Variants in GSTCD observed in about 807,000 individuals in gnomAD.
GSTCD encodes glutathione S-transferase C-terminal domain containing, also known as glutathione S-transferase C-terminal domain-containing protein.
A neutral mutation model predicts 68.3 loss-of-function variants in GSTCD; 44 were observed. The ratio of observed to expected loss-of-function variants is 0.64; its 90% CI spans 0.51 to 0.83. The LOEUF (loss-of-function observed/expected upper bound fraction) is 0.83. Ranked by LOEUF, GSTCD falls within the 40% of genes least tolerant of loss-of-function variation. The pLI, the probability that GSTCD is intolerant of heterozygous loss-of-function variation, is 0.00. For missense variants in GSTCD, 739 were observed against 735.9 expected (o/e 1.00, Z -0.05); for synonymous variants, 273 against 255.2 (o/e 1.07, Z -0.67).
chr4:105,714,637 ATT>A (rs199647332), intron 1 of GSTCD, among the ~76,000 whole-genome samples: 6,764 of 148,710 alleles, frequency 0.045, 211 homozygotes, highest in Middle Eastern at 0.13. Context: ...AAGGAGAGTA[ATT>A]TTTTTTTTTA....
At chr4:105,812,443 T>C (rs949287929) in intron 5 of GSTCD, among the ~76,000 whole-genome samples, 3 of 152,090 alleles carry the variant, frequency 2.0e-5, no homozygotes, top group Non-Finnish European at 4.4e-5. Flanking sequence ...TCAAGCAGTC[T>C]TTCCGCCTCT....
chr4:105,804,144 CAG>C (rs890375722), intron 5 of GSTCD, among the ~76,000 whole-genome samples: 2 of 151,830 alleles, frequency 1.3e-5, no homozygotes, highest in Non-Finnish European at 2.9e-5. Flanking sequence ...ATTTAGTTAT[CAG>C]AAATTTTCCA....
At chr4:105,762,168 A>G (rs1304485502) in intron 5 of GSTCD, among the ~76,000 whole-genome samples, 1 of 152,224 alleles carries the variant, frequency 6.6e-6, no homozygotes, top group African/African-American at 2.4e-5. Flanking sequence ...CTAATAAATG[A>G]TTCAGATTGG....
intron 10 of GSTCD, among the ~76,000 whole-genome samples, chr4:105,838,445 C>A (rs1413456352): frequency 3.3e-5 from 5 of 152,216 alleles, no homozygotes; most frequent in African/African-American, 1.2e-4. Context: ...CCAAGTATTC[C>A]TCTCATTGTC....
rs541090948 is a variant in GSTCD, at chr4:105,815,110, T to G, written c.1241-7844T>G. ...CAATATTATGGTATCTGTCTTATGC[T>G]CCATTGCCACATAAATAACCTCTGC... On this transcript the variant is annotated intron_variant, in intron 5 of 11. Transcript: ENST00000515279. 2.0e-5 allele frequency: 3 copies of G among 152,326 alleles called. No homozygotes were observed. In the South Asian group the frequency reaches 6.2e-4, roughly 32 times the overall value. The allele number at this position is 152,326 out of a possible 1,614,324, so 9.4% of individuals were successfully genotyped here. A position where few individuals can be genotyped will look rare whatever the true frequency, so the allele number is the denominator to read the frequency against.
intron 5 of GSTCD, among the ~76,000 whole-genome samples, chr4:105,809,411 C>T (rs1213156405): frequency 6.6e-6 from 1 of 152,000 alleles, no homozygotes; most frequent in Non-Finnish European, 1.5e-5. Flanking sequence ...AAAACTCTTC[C>T]CCTAGATAAT....
chr4:105,739,847 C>T (rs1206405447), intron 5 of GSTCD, among the ~76,000 whole-genome samples: 1 of 152,038 alleles, frequency 6.6e-6, no homozygotes, highest in East Asian at 1.9e-4. Flanking sequence ...GGAGCAGGTG[C>T]AACCATGACT....
chr4:105,829,444 A>G (rs930474336), intron 8 of GSTCD, among the ~76,000 whole-genome samples: 4 of 152,184 alleles, frequency 2.6e-5, no homozygotes, highest in African/African-American at 9.7e-5. Context: ...ATTTATAAAG[A>G]AAAGAGGTTT....
intron 5 of GSTCD, among the ~76,000 whole-genome samples, chr4:105,781,357 T>TC (rs1578469635): frequency 6.6e-6 from 1 of 151,346 alleles, no homozygotes; most frequent in African/African-American, 2.4e-5. Flanking sequence ...AAAGGGATCC[T>TC]CCCCCTCAGC....
chr4:105,825,151 A>G (rs980869545), intron 7 of GSTCD, among the ~76,000 whole-genome samples: 1 of 148,436 alleles, frequency 6.7e-6, no homozygotes, highest in Non-Finnish European at 1.5e-5. Flanking sequence ...TTTGTTTGAG[A>G]CAGATTCTCC....
At chr4:105,775,866 G>A (rs1234498348) in intron 5 of GSTCD, among the ~76,000 whole-genome samples, 1 of 152,234 alleles carries the variant, frequency 6.6e-6, no homozygotes, top group Non-Finnish European at 1.5e-5. Context: ...CCTCAGCAGA[G>A]CTTGAGTGCT....
intron 5 of GSTCD, among the ~76,000 whole-genome samples, chr4:105,740,674 T>A (rs1733604238): frequency 6.6e-6 from 1 of 152,150 alleles, no homozygotes; most frequent in Admixed American, 6.5e-5. Context: ...CATCTTCCTT[T>A]GTTGTTGGGT....
intron 10 of GSTCD, chr4:105,840,042 C>T (rs1332224394): frequency 3.7e-6 from 1 of 272,754 alleles, no homozygotes; most frequent in African/African-American, 2.2e-5. Context: ...GTGTTTTTCT[C>T]TGCAGTTCAA....
At chr4:105,810,253 A>G (rs2553461) in intron 5 of GSTCD, among the ~76,000 whole-genome samples, 124,505 of 152,004 alleles carry the variant, frequency 0.82, 51,323 homozygotes, top group East Asian at 0.96. Context: ...TTTTTCTTCT[A>G]TTTATTTGGT....
At chr4:105,799,931 T>C (rs1475249756) in intron 5 of GSTCD, among the ~76,000 whole-genome samples, 1 of 151,928 alleles carries the variant, frequency 6.6e-6, no homozygotes, top group African/African-American at 2.4e-5. Flanking sequence ...TGAGTACACA[T>C]AGACACAAAG....
intron 7 of GSTCD, chr4:105,823,555 T>C (rs1166796279): frequency 1.6e-5 from 4 of 247,826 alleles, no homozygotes; most frequent in Non-Finnish European, 3.0e-5. Flanking sequence ...AAAATAATTA[T>C]GATTCAACTA....
intron 5 of GSTCD, among the ~76,000 whole-genome samples, chr4:105,809,219 G>A (rs1346223201): frequency 6.6e-6 from 1 of 152,046 alleles, no homozygotes; most frequent in East Asian, 1.9e-4. Context: ...TGTCTTTTAA[G>A]TGTTTGGTTA....
intron 5 of GSTCD, among the ~76,000 whole-genome samples, chr4:105,819,954 G>T (rs577241506): frequency 2.0e-5 from 3 of 151,500 alleles, no homozygotes; most frequent in South Asian, 2.1e-4. Context: ...AACAGCAAAA[G>T]AATATTTAGT....
rs553824300 is a variant in GSTCD, at chr4:105,822,929, G to A, written c.1241-25G>A. 18 of 1,533,300 alleles carry A rather than the reference G, an allele frequency of 1.2e-5. No individual in the cohort carries two copies. In the East Asian group the frequency reaches 2.7e-4, roughly 23 times the overall value. The allele number at this position is 1,533,300 out of a possible 1,614,324, so 95.0% of individuals were successfully genotyped here. A position where few individuals can be genotyped will look rare whatever the true frequency, so the allele number is the denominator to read the frequency against. ...TCCCTCAAAATATATAATGTTTTGT[G>A]TTCTTCATTTCTTGTCTTTCTCAGG... is the stretch of plus-strand genomic sequence containing the variant. On this transcript the variant is annotated intron_variant, in intron 5 of 11. Transcript: ENST00000515279.
Sources: gnomAD v4.1 joint callset for allele counts (sites outside exome capture counted in the v4.1 genomes callset) on GRCh38, gnomAD v4.1.1 for gene constraint, MANE v1.5 for transcripts, NCBI Gene and HGNC (gene_info 2026-07-23, HGNC 2026-07-21) for gene names.